ASIC2: variants seen among roughly 807,000 people sequenced by gnomAD.
ASIC2 encodes the protein acid sensing ion channel subunit 2.
ASIC2 carries 25 observed loss-of-function variants against 57.3 expected under a neutral mutation model. The observed-to-expected ratio is 0.44, with a 90% confidence interval of 0.32 to 0.61. The LOEUF (loss-of-function observed/expected upper bound fraction) is 0.61, where lower values mean the gene tolerates loss of function less well. Ranked by LOEUF, ASIC2 falls within the 20% of genes least tolerant of loss-of-function variation. ASIC2 has a pLI of 0.06. For missense variants in ASIC2, 641 were observed against 738.1 expected, an observed-to-expected ratio of 0.87 and a Z score of 1.52; for synonymous variants, 319 against 307.5, an observed-to-expected ratio of 1.04 and a Z score of -0.39.
chr17:33,023,833 C>T (rs769383111), intron 6 of ASIC2, 28 bp downstream of exon 6: 2 of 1,613,040 alleles, frequency 1.2e-6, no homozygotes, highest in South Asian at 2.2e-5. Context: ...TCCCCCTTCC[C>T]CCTGCCTACC....
intron 1 of ASIC2, among the ~76,000 whole-genome samples, chr17:33,707,447 ATTTCT>A (rs1368004220): frequency 6.6e-6 from 1 of 151,908 alleles, no homozygotes; most frequent in Non-Finnish European, 1.5e-5. Context: ...TACTATCTAG[ATTTCT>A]TTTCAAATAC....
chr17:33,752,699 A>G (rs913173511), intron 1 of ASIC2, among the ~76,000 whole-genome samples: 1 of 152,206 alleles, frequency 6.6e-6, no homozygotes, highest in African/African-American at 2.4e-5. Context: ...ATACAAAAAG[A>G]TGCTCCACAT....
chr17:33,216,523 G>A (rs1053889100), intron 1 of ASIC2, among the ~76,000 whole-genome samples: 1 of 152,188 alleles, frequency 6.6e-6, no homozygotes, highest in Non-Finnish European at 1.5e-5. Context: ...GAGGTGTTAG[G>A]CAAGGAAGGA....
At chr17:33,603,641 G>C (rs952507859) in intron 1 of ASIC2, among the ~76,000 whole-genome samples, 1 of 152,194 alleles carries the variant, frequency 6.6e-6, no homozygotes, top group African/African-American at 2.4e-5. Flanking sequence ...GGTCAGAAAA[G>C]GAGAAGTCAA....
intron 3 of ASIC2, among the ~76,000 whole-genome samples, chr17:33,042,143 A>G (rs937773102): frequency 4.6e-5 from 7 of 152,224 alleles, no homozygotes; most frequent in African/African-American, 9.6e-5. Context: ...TTTGGAAATC[A>G]AATCACATAC....
At chr17:33,480,139 A>G (rs556829249) in intron 1 of ASIC2, among the ~76,000 whole-genome samples, 3 of 152,172 alleles carry the variant, frequency 2.0e-5, no homozygotes, top group Non-Finnish European at 4.4e-5. Context: ...AATTCATTCA[A>G]CAAGTTTGTA....
chr17:33,177,121 G>A (rs771320726), intron 1 of ASIC2, among the ~76,000 whole-genome samples: 4 of 152,308 alleles, frequency 2.6e-5, no homozygotes, highest in Admixed American at 6.5e-5. Context: ...GGCTAATTCA[G>A]GGGTGGGGAA....
chr17:33,403,764 C>T (rs1910368467), intron 1 of ASIC2, among the ~76,000 whole-genome samples: 3 of 152,164 alleles, frequency 2.0e-5, no homozygotes, highest in African/African-American at 7.2e-5. Flanking sequence ...ATTAAAGAAT[C>T]TTGTAAACCT....
At chr17:33,136,153 G>A (rs945298174) in intron 1 of ASIC2, among the ~76,000 whole-genome samples, 4 of 152,132 alleles carry the variant, frequency 2.6e-5, no homozygotes, top group Admixed American at 2.6e-4. Flanking sequence ...ATGTACTGGG[G>A]GTGTGGATGT....
chr17:33,764,617 G>C (rs1466433126), intron 1 of ASIC2, among the ~76,000 whole-genome samples: 1 of 152,038 alleles, frequency 6.6e-6, no homozygotes, highest in Non-Finnish European at 1.5e-5. Flanking sequence ...TGCTAGCTCA[G>C]GTCTCTTTTC....
intron 1 of ASIC2, among the ~76,000 whole-genome samples, chr17:33,676,829 T>A (rs1907837871): frequency 6.6e-6 from 1 of 152,086 alleles, no homozygotes; most frequent in South Asian, 2.1e-4. Flanking sequence ...CGTTGAGTTG[T>A]CCCTCCCATT....
At chr17:33,108,327 C>A (rs1048206338) in intron 2 of ASIC2, among the ~76,000 whole-genome samples, 1 of 152,192 alleles carries the variant, frequency 6.6e-6, no homozygotes, top group African/African-American at 2.4e-5. Context: ...ACCCAAATAT[C>A]TCCTGGACTC....
Position 33,024,065 on chromosome 17 carries a change from C to T in ASIC2, c.1196-51G>A, listed in dbSNP as rs2091849718. The T allele has an allele frequency of 3.7e-6, 6 of 1,609,510 alleles. No homozygotes were observed. In the East Asian group the frequency reaches 1.3e-4, roughly 36 times the overall value. On this transcript the variant is annotated intron_variant, in intron 5 of 9. Transcript: ENST00000225823. ...TAGTCAGGTGTGGGCACTGGGATTTCTAAGGGTCCAGAGTAGCTGGATTGT... is the reference window on the plus strand; with the variant it reads ...TAGTCAGGTGTGGGCACTGGGATTTTTAAGGGTCCAGAGTAGCTGGATTGT...
At chr17:33,556,925 T>C (rs1915925209) in intron 1 of ASIC2, among the ~76,000 whole-genome samples, 1 of 152,246 alleles carries the variant, frequency 6.6e-6, no homozygotes, top group Admixed American at 6.5e-5. Context: ...AGAGGTGCCT[T>C]AAGTGTAAGC....
At chr17:33,806,593 A>T (rs907053330) in intron 1 of ASIC2, among the ~76,000 whole-genome samples, 1 of 152,242 alleles carries the variant, frequency 6.6e-6, no homozygotes, top group Non-Finnish European at 1.5e-5. Flanking sequence ...TTAGCAATGC[A>T]AATCTCTTAA....
At chr17:33,702,090 T>A (rs965576714) in intron 1 of ASIC2, among the ~76,000 whole-genome samples, 1 of 152,186 alleles carries the variant, frequency 6.6e-6, no homozygotes, top group Admixed American at 6.5e-5. Context: ...TCCTCTTCAA[T>A]GTGACGTCAC....
intron 1 of ASIC2, among the ~76,000 whole-genome samples, chr17:34,119,233 C>T (rs947763214): frequency 6.6e-6 from 1 of 152,116 alleles, no homozygotes; most frequent in African/African-American, 2.4e-5. Flanking sequence ...GACATCGATT[C>T]GAGTCCCAGC....
rs754846934 is a variant in ASIC2 at position 33,562,312 on chromosome 17, C to G, written c.556-450245G>C. On this transcript the variant is annotated intron_variant, in intron 1 of 9. Coordinates refer to the ASIC2 transcript ENST00000359872. ...TTGGTTCCATCTGATTTATCTCTGT[C>G]GCTTTCTGGTGCCAAGCACAGACCT... Among the ~76,000 whole-genome samples the G allele has an allele frequency of 6.1e-4, 92 of 151,996 alleles. 1 individual carries two copies. Among genetic ancestry groups the G allele is most frequent in the Admixed American group, 1.7e-3 (26 of 15,270 alleles).
At chr17:34,032,165 T>C (rs28890488) in intron 1 of ASIC2, among the ~76,000 whole-genome samples, 9,963 of 152,208 alleles carry the variant, frequency 0.065, 1,074 homozygotes, top group African/African-American at 0.23. Flanking sequence ...GCTGATCTCT[T>C]GGCAGAAACT....
Sources: allele counts gnomAD v4.1 joint callset (sites outside exome capture counted in the v4.1 genomes callset), GRCh38; gene constraint gnomAD v4.1.1; transcripts MANE v1.5; gene names NCBI Gene and HGNC (gene_info 2026-07-23, HGNC 2026-07-21).